RCSD1: variants seen among roughly 807,000 people sequenced by gnomAD.
RCSD1 encodes the protein capZ-interacting protein.
Under a neutral mutation model 42.5 loss-of-function variants are expected in RCSD1, and 26 were observed. That is an observed-to-expected ratio of 0.61 (90% CI 0.45 to 0.85). The LOEUF (loss-of-function observed/expected upper bound fraction) is 0.85, where lower values mean the gene tolerates loss of function less well. Among genes scored for constraint, RCSD1 ranks in the 40% least tolerant of loss-of-function variants. RCSD1 has a pLI of 0.00. For synonymous variants in RCSD1, 220 were observed against 212.2 expected, an observed-to-expected ratio of 1.04 and a Z score of -0.32; for missense variants, 571 against 528.3, an observed-to-expected ratio of 1.08 and a Z score of -0.79.
intron 1 of RCSD1, among the ~76,000 whole-genome samples, chr1:167,667,147 T>C (rs1179866414): frequency 1.3e-5 from 2 of 152,220 alleles, no homozygotes; most frequent in Admixed American, 6.5e-5. Flanking sequence ...CGCCTCATTG[T>C]AGCTGAGTAG....
At chr1:167,658,215 C>A (rs1054171889) in intron 1 of RCSD1, among the ~76,000 whole-genome samples, 7 of 152,204 alleles carry the variant, frequency 4.6e-5, no homozygotes, top group Non-Finnish European at 1.5e-5. Flanking sequence ...AGAAACTTCA[C>A]ATATACCTTT....
At chr1:167,657,753 G>A (rs976916003) in intron 1 of RCSD1, among the ~76,000 whole-genome samples, 1 of 151,990 alleles carries the variant, frequency 6.6e-6, no homozygotes, top group African/African-American at 2.4e-5. Flanking sequence ...GGAGAGCAGA[G>A]CTTAAAATTC....
At chr1:167,640,244 A>G (rs909640295) in intron 1 of RCSD1, among the ~76,000 whole-genome samples, 3 of 152,130 alleles carry the variant, frequency 2.0e-5, no homozygotes, top group African/African-American at 4.8e-5. Context: ...CCGGATGTCT[A>G]AAAGCAGAGT....
chr1:167,694,081 T>C lies in RCSD1; in HGVS notation c.271-18T>C, dbSNP rs1659439225. 1 of 1,613,182 alleles carries C rather than the reference T, an allele frequency of 6.2e-7. No homozygotes were observed. Among genetic ancestry groups the C allele is most frequent in the African/African-American group, 1.3e-5 (1 of 75,006 alleles). ...TTCTCCCTAGTCCTATTTGAAATTG[T>C]TCATCTTTTCTTGACAGGCCAATTT... On this transcript the variant is annotated intron_variant, in intron 4 of 6. Coordinates refer to ENST00000367854, the MANE Select transcript of RCSD1 (RefSeq NM_052862.4).
intron 1 of RCSD1, among the ~76,000 whole-genome samples, chr1:167,668,185 TGCGGCAGGAGAATC>T (rs1466916093): frequency 6.6e-6 from 1 of 151,798 alleles, no homozygotes; most frequent in Non-Finnish European, 1.5e-5. Flanking sequence ...CTCGGGAGGC[TGCGGCAGGAGAATC>T]GCTTGAACCT....
chr1:167,644,288 T>C (rs1484736610), intron 1 of RCSD1, among the ~76,000 whole-genome samples: 1 of 152,142 alleles, frequency 6.6e-6, no homozygotes, highest in African/African-American at 2.4e-5. Flanking sequence ...GAGACCAGCC[T>C]GACCAACATG....
chr1:167,648,208 T>C (rs1658213397), intron 1 of RCSD1, among the ~76,000 whole-genome samples: 1 of 152,254 alleles, frequency 6.6e-6, no homozygotes, highest in African/African-American at 2.4e-5. Context: ...TATATCATAA[T>C]TATTTAATCA....
intron 6 of RCSD1, among the ~76,000 whole-genome samples, chr1:167,699,342 G>A (rs1659586992): frequency 6.6e-6 from 1 of 152,134 alleles, no homozygotes; most frequent in African/African-American, 2.4e-5. Context: ...TGGCTGGGTT[G>A]GTCTCCTCTA....
At chr1:167,678,453 A>C (rs1182408730) in intron 1 of RCSD1, among the ~76,000 whole-genome samples, 2 of 151,716 alleles carry the variant, frequency 1.3e-5, no homozygotes, top group African/African-American at 4.9e-5. Context: ...CCGTTATCCA[A>C]GTCAAACCTT....
intron 1 of RCSD1, among the ~76,000 whole-genome samples, chr1:167,669,682 G>A (rs886349189): frequency 2.0e-5 from 3 of 152,168 alleles, no homozygotes; most frequent in Admixed American, 2.0e-4. Context: ...TTTCTTCTGC[G>A]TGTGACCTGG....
intron 1 of RCSD1, among the ~76,000 whole-genome samples, chr1:167,679,022 G>C (rs1203239934): frequency 3.3e-5 from 5 of 152,198 alleles, no homozygotes; most frequent in Non-Finnish European, 7.3e-5. Context: ...CTGTGTACCT[G>C]TTTATTGCTG....
At chr1:167,649,467 T>C (rs1284433929) in intron 1 of RCSD1, among the ~76,000 whole-genome samples, 1 of 152,196 alleles carries the variant, frequency 6.6e-6, no homozygotes, top group Non-Finnish European at 1.5e-5. Flanking sequence ...CTGATGATAT[T>C]ATGGGGTGTT....
chr1:167,635,598 A>G (rs1657824079), intron 1 of RCSD1, among the ~76,000 whole-genome samples: 1 of 152,200 alleles, frequency 6.6e-6, no homozygotes, highest in Non-Finnish European at 1.5e-5. Flanking sequence ...CAGCCCGGTA[A>G]TCTTATCAGG....
chr1:167,704,088 C>T (rs1049099272), intron 6 of RCSD1, among the ~76,000 whole-genome samples: 1 of 152,186 alleles, frequency 6.6e-6, no homozygotes, highest in African/African-American at 2.4e-5. Context: ...GGTACAGCTC[C>T]TAGCACAGAA....
At chr1:167,682,001 T>A (rs1659094163) in intron 1 of RCSD1, among the ~76,000 whole-genome samples, 1 of 152,116 alleles carries the variant, frequency 6.6e-6, no homozygotes, top group Non-Finnish European at 1.5e-5. Context: ...TAGAGGTGAA[T>A]CCTTTTATAT....
intron 1 of RCSD1, chr1:167,664,984 G>C (rs544609364): frequency 6.6e-6 from 1 of 151,368 alleles, no homozygotes; most frequent in East Asian, 1.9e-4. Flanking sequence ...GTTGCAGTGA[G>C]CCGAGATCGT....
intron 3 of RCSD1, among the ~76,000 whole-genome samples, chr1:167,688,658 G>A (rs1461876169): frequency 6.6e-6 from 1 of 152,210 alleles, no homozygotes; most frequent in Non-Finnish European, 1.5e-5. Flanking sequence ...TTGGTGTTGG[G>A]CTGTAAAAAG....
At chr1:167,676,403 G>A (rs1658953342) in intron 1 of RCSD1, among the ~76,000 whole-genome samples, 1 of 152,198 alleles carries the variant, frequency 6.6e-6, no homozygotes, top group Admixed American at 6.5e-5. Flanking sequence ...GATGATAGAT[G>A]TTAATGGCCT....
At chr1:167,687,536 A>G (rs1659267850) in intron 3 of RCSD1, among the ~76,000 whole-genome samples, 2 of 151,858 alleles carry the variant, frequency 1.3e-5, no homozygotes, top group African/African-American at 2.4e-5. Flanking sequence ...AAAAAAAAAA[A>G]AAGAAAAGAA....
Sources: allele counts gnomAD v4.1 joint callset (sites outside exome capture counted in the v4.1 genomes callset), GRCh38; gene constraint gnomAD v4.1.1; transcripts MANE v1.5; gene names NCBI Gene and HGNC (gene_info 2026-07-23, HGNC 2026-07-21).